ANO1: variants seen among roughly 807,000 people sequenced by gnomAD.
ANO1 encodes the protein anoctamin 1, also known as anoctamin-1.
Under a neutral mutation model 124.0 loss-of-function variants are expected in ANO1, and 59 were observed. The observed-to-expected ratio is 0.48, with a 90% confidence interval of 0.39 to 0.59. ANO1 has a LOEUF of 0.59. Ranked by LOEUF, ANO1 falls within the 20% of genes least tolerant of loss-of-function variation. ANO1 has a pLI of 0.00. For missense variants in ANO1, 1,059 were observed against 1,328.0 expected, an observed-to-expected ratio of 0.80 and a Z score of 3.15; for synonymous variants, 529 against 532.0, an observed-to-expected ratio of 0.99 and a Z score of 0.08.
the ANO1 span, among the ~76,000 whole-genome samples, chr11:69,976,676 C>T: frequency 3.4e-4 from 52 of 152,084 alleles, no homozygotes; most frequent in Middle Eastern, 3.4e-3. Context: ...ACCAGCCCTG[C>T]GACGCCTTGA....
intron 1 of ANO1, among the ~76,000 whole-genome samples, chr11:70,057,198 T>G (rs1444019655): frequency 6.6e-6 from 1 of 152,232 alleles, no homozygotes; most frequent in African/African-American, 2.4e-5. Flanking sequence ...AATTGAATCT[T>G]GGATATCACG....
the ANO1 span, among the ~76,000 whole-genome samples, chr11:69,974,418 T>C: frequency 6.6e-6 from 1 of 152,228 alleles, no homozygotes; most frequent in Non-Finnish European, 1.5e-5. Flanking sequence ...TGGTCACATG[T>C]TCTCCATGAC....
intron 1 of ANO1, among the ~76,000 whole-genome samples, chr11:70,069,731 C>A (rs776316144): frequency 1.3e-5 from 2 of 151,616 alleles, no homozygotes; most frequent in Non-Finnish European, 2.9e-5. Context: ...GGCAGGCAGC[C>A]CTGTGGCCCC....
chr11:70,135,036 G>A lies in ANO1; in HGVS notation c.1258+2957G>A, dbSNP rs116007074. On this transcript the variant is annotated intron_variant, in intron 11 of 25. Coordinates refer to ENST00000355303, the MANE Select transcript of ANO1 (RefSeq NM_018043.7). ...CTGTCTTATGCTCGAGTCGGAGACC[G>A]CAAGTCTAAGAGGGAGCTTGTGCAG... is the stretch of plus-strand genomic sequence containing the variant. 6.8e-3 allele frequency among the ~76,000 whole-genome samples: 1,031 copies of A among 152,248 alleles called. 15 individuals carry two copies. The highest frequency in any genetic ancestry group is 0.023 in the African/African-American group (942 of 41,534).
intron 21 of ANO1, among the ~76,000 whole-genome samples, chr11:70,168,110 G>C (rs974850464): frequency 6.6e-6 from 1 of 152,174 alleles, no homozygotes; most frequent in Admixed American, 6.5e-5. Flanking sequence ...TGGCCAAAGA[G>C]AACTGGGAAG....
At chr11:70,156,558 G>A (rs1358926274) in intron 15 of ANO1, among the ~76,000 whole-genome samples, 1 of 152,144 alleles carries the variant, frequency 6.6e-6, no homozygotes, top group East Asian at 1.9e-4. Context: ...GGTGGCACTG[G>A]GAAAACATCT....
intron 12 of ANO1, 146 bp from the exon 13 acceptor site, chr11:70,152,304 C>T (rs944559201): frequency 2.4e-5 from 18 of 744,142 alleles, no homozygotes; most frequent in Non-Finnish European, 3.6e-5. Context: ...CATTGCACTC[C>T]AGCCTGCTCA....
Position 70,188,545 on chromosome 11 carries a change from A to G in ANO1, c.*541A>G, listed in dbSNP as rs954373551. ...CTTTCCATCGCCTTTTCCTTCCATCAGTTGAGTGGCTGAGAGAGAAGTGCC... is the reference window on the plus strand; with the variant it reads ...CTTTCCATCGCCTTTTCCTTCCATCGGTTGAGTGGCTGAGAGAGAAGTGCC... On this transcript the variant is annotated 3_prime_UTR_variant, in exon 26 of 26. Transcript: ENST00000355303. 4 of 154,994 alleles carry G rather than the reference A, an allele frequency of 2.6e-5. No homozygotes were observed. Among genetic ancestry groups the G allele is most frequent in the African/African-American group, 9.6e-5 (4 of 41,472 alleles). The allele number at this position is 154,994 out of a possible 1,614,324, so 9.6% of individuals were successfully genotyped here. A position where few individuals can be genotyped will look rare whatever the true frequency, so the allele number is the denominator to read the frequency against.
intron 1 of ANO1, among the ~76,000 whole-genome samples, chr11:70,010,559 C>G (rs1290076151): frequency 1.3e-5 from 2 of 152,068 alleles, no homozygotes; most frequent in African/African-American, 4.8e-5. Flanking sequence ...GGCCTGAGGG[C>G]TTGCATCCTA....
chr11:70,116,509 T>C lies in ANO1; in HGVS notation c.897+10T>C. The C allele has an allele frequency of 1.9e-6, 3 of 1,588,742 alleles. No homozygotes were observed. The highest frequency in any genetic ancestry group is 2.6e-6 in the Non-Finnish European group (3 of 1,167,546). ...GTTCAACGACAGAAAAGTAAGTTGA[T>C]GGAGCGGAGCAGGAGGTGGCTCTGT... On this transcript the variant is annotated intron_variant, in intron 8 of 25. Transcript: ENST00000355303.
chr11:69,984,337 T>C (rs1289533841), upstream of ANO1, among the ~76,000 whole-genome samples: 2 of 141,808 alleles, frequency 1.4e-5, no homozygotes, highest in African/African-American at 5.2e-5. Flanking sequence ...CCACGGAGAA[T>C]AAAATCCCAC....
intron 6 of ANO1, among the ~76,000 whole-genome samples, chr11:70,109,358 C>T (rs893392587): frequency 6.6e-6 from 1 of 152,210 alleles, no homozygotes; most frequent in Non-Finnish European, 1.5e-5. Flanking sequence ...GAAGACGAAC[C>T]CTCGACAGCT....
intron 5 of ANO1, among the ~76,000 whole-genome samples, chr11:70,106,482 C>T (rs1175536723): frequency 6.6e-6 from 1 of 152,160 alleles, no homozygotes; most frequent in Non-Finnish European, 1.5e-5. Flanking sequence ...GTGACCTTGT[C>T]CAGACAACTA....
intron 2 of ANO1, among the ~76,000 whole-genome samples, chr11:70,102,534 A>G (rs1453835103): frequency 6.6e-6 from 1 of 152,186 alleles, no homozygotes; most frequent in African/African-American, 2.4e-5. Flanking sequence ...CAGTGCAGAT[A>G]CAAGGGAACC....
intron 1 of ANO1, among the ~76,000 whole-genome samples, chr11:70,040,401 G>T (rs182241055): frequency 6.6e-6 from 1 of 152,274 alleles, no homozygotes; most frequent in East Asian, 1.9e-4. Context: ...CTAGGGCAAG[G>T]TATGTTAAAA....
At chr11:70,078,777 G>A in intron 1 of ANO1, 63 bp downstream of exon 1, 12 of 1,165,520 alleles carry the variant, frequency 1.0e-5, no homozygotes, top group Non-Finnish European at 1.3e-5. Flanking sequence ...GCGAGGGCGG[G>A]AACCGGGCGG....
At position 70,161,623 on chromosome 11, in the gene ANO1, G is replaced by T; in HGVS notation, c.1782G>T (p.Glu594Asp). The change falls in exon 18 of 26, where the codon GAG becomes GAT. Residue 594 changes from glutamate (E) to aspartate (D), a missense_variant and splice_region_variant. Physicochemically the swap from Glu to Asp is conservative, Grantham distance 45. Around this residue, in one of 2 missense-constraint regions of ANO1, gnomAD observed 809 missense variants for 1,094.9 expected, o/e 0.74. Transcript: ENST00000355303. ...GCIARWLTKI[E>D]VPKTEKSFEE... The stretch of plus-strand genomic sequence containing the variant: ...GTATCATCCTACCCCTCCCTCTAGA[G>T]GTCCCAAAGACGGAGAAAAGCTTTG... 1 of 1,613,918 alleles carries T rather than the reference G, an allele frequency of 6.2e-7. No homozygotes were observed. Among genetic ancestry groups the T allele is most frequent in the Non-Finnish European group, 8.5e-7 (1 of 1,179,832 alleles).
At position 70,033,481 on chromosome 11, in the gene ANO1, T is replaced by G. The variant is rs1442446506; in HGVS notation, c.59-45061T>G. The stretch of plus-strand genomic sequence containing the variant: ...TCCCTCCAGGCTCCTGCCTTGGGTC[T>G]CTGATATCGTGTTGCACTATGATGC... On this transcript the variant is annotated intron_variant, in intron 1 of 27. Coordinates refer to the ANO1 transcript ENST00000531349. Among the ~76,000 whole-genome samples, 3 of 152,212 alleles carry G rather than the reference T, an allele frequency of 2.0e-5. No homozygotes were observed. In the East Asian group the frequency reaches 5.8e-4, roughly 29 times the overall value.
At chr11:69,993,679 A>G (rs1007159871) in intron 1 of ANO1, among the ~76,000 whole-genome samples, 4 of 152,202 alleles carry the variant, frequency 2.6e-5, no homozygotes, top group Non-Finnish European at 4.4e-5. Context: ...CACCTGGTGC[A>G]GCTGGCGCCC....
Sources: gnomAD v4.1 joint callset for allele counts (sites outside exome capture counted in the v4.1 genomes callset) on GRCh38, gnomAD v4.1.1 for gene constraint, gnomAD v4.1.1 regional missense constraint, MANE v1.5 for transcripts, NCBI Gene and HGNC (gene_info 2026-07-23, HGNC 2026-07-21) for gene names.